Variants in TENM3 observed in about 807,000 individuals in gnomAD.
TENM3 encodes the protein teneurin transmembrane protein 3, also known as teneurin-3.
In TENM3, 63 loss-of-function variants were observed where a neutral mutation model predicts 255.1. The observed-to-expected ratio is 0.25, with a 90% CI of 0.20 to 0.30. TENM3 has a LOEUF of 0.30. Among genes scored for constraint, TENM3 ranks in the 10% least tolerant of loss-of-function variants. TENM3 has a pLI of 1.00. For missense variants in TENM3, 2,929 were observed against 3,461.1 expected, an observed-to-expected ratio of 0.85 and a Z score of 3.86; for synonymous variants, 1,306 against 1,322.3, an observed-to-expected ratio of 0.99 and a Z score of 0.27.
At position 182,574,762 on chromosome 4, in the gene TENM3, G is replaced by A. The variant is rs78979715; in HGVS notation, c.512-26162G>A. ...CCCTGCAAGATTTGGTAGTAAGAAC[G>A]TAAGCTTCTCAATGAGCTATTTCAA... On this transcript the variant is annotated intron_variant, in intron 3 of 27. Coordinates refer to ENST00000511685, the MANE Select transcript of TENM3 (RefSeq NM_001080477.4). Among the ~76,000 whole-genome samples, 884 of 152,082 alleles carry A rather than the reference G, an allele frequency of 5.8e-3. 27 individuals carry two copies. The East Asian group carries it at 0.06, about 10-fold the overall frequency.
the TENM3 span, among the ~76,000 whole-genome samples, chr4:181,459,911 A>G: frequency 6.6e-6 from 1 of 151,948 alleles, no homozygotes. Flanking sequence ...AAATTGACAC[A>G]TCAACGATAT....
chr4:181,463,355 C>T, the TENM3 span, among the ~76,000 whole-genome samples: 1 of 152,134 alleles, frequency 6.6e-6, no homozygotes, highest in South Asian at 2.1e-4. Context: ...CTGTTGTATA[C>T]ATTCTCTCTA....
At chr4:181,465,630 A>G in the TENM3 span, among the ~76,000 whole-genome samples, 252 of 152,318 alleles carry the variant, frequency 1.7e-3, 1 homozygote, top group African/African-American at 5.9e-3. Flanking sequence ...TTTATGCTTT[A>G]AAAAGTTAGA....
intron 1 of TENM3, among the ~76,000 whole-genome samples, chr4:182,253,605 A>C (rs1205485495): frequency 1.3e-5 from 2 of 152,200 alleles, no homozygotes; most frequent in Non-Finnish European, 2.9e-5. Flanking sequence ...GTTTTCTTTG[A>C]TAAAAAAAAT....
rs367736531 is a variant in TENM3, at chr4:182,793,867, G to A, written c.7195G>A (p.Val2399Met). ...CAACCCTGCAAGCAAAATCCATGACGTGAAAGATTACATCACAGGTAAGCA... is the reference window on the plus strand; with the variant it reads ...CAACCCTGCAAGCAAAATCCATGACATGAAAGATTACATCACAGGTAAGCA... ...NNNPASKIHD[V>M]KDYITDVNSW... The change falls in exon 26 of 28, where the codon GTG (valine) becomes ATG (methionine). Residue 2399 changes from valine to methionine, a missense_variant. This residue lies in a region of TENM3 where 476 missense variants were observed against 480.1 expected (regional missense o/e 0.99). Coordinates refer to ENST00000511685, the MANE Select transcript of TENM3 (RefSeq NM_001080477.4). This position sits in a 1 kb window ranked among gnomAD's most constrained non-coding sequence, Gnocchi z 5.7. 19 of 1,608,308 alleles carry A rather than the reference G, an allele frequency of 1.2e-5. No homozygotes were observed. The highest frequency in any genetic ancestry group is 4.4e-5 in the South Asian group (4 of 90,384).
chr4:182,517,129 A>C (rs1738050555), intron 3 of TENM3, among the ~76,000 whole-genome samples: 1 of 152,192 alleles, frequency 6.6e-6, no homozygotes, highest in Non-Finnish European at 1.5e-5. Context: ...CTGCATTTTG[A>C]AAGAACTTCT....
intron 13 of TENM3, among the ~76,000 whole-genome samples, chr4:182,715,641 A>C (rs958320934): frequency 6.6e-6 from 1 of 152,164 alleles, no homozygotes; most frequent in African/African-American, 2.4e-5. Context: ...TTGTCAGAGA[A>C]GATTGAATAG....
intron 1 of TENM3, among the ~76,000 whole-genome samples, chr4:182,175,302 T>TAAAAA (rs200201122): frequency 8.3e-6 from 1 of 120,572 alleles, no homozygotes; most frequent in African/African-American, 3.1e-5. Flanking sequence ...TCTGCTTCAT[T>TAAAAA]AAAAAAAAAA....
chr4:182,187,157 T>C (rs1423002910), intron 1 of TENM3, among the ~76,000 whole-genome samples: 1 of 152,060 alleles, frequency 6.6e-6, no homozygotes, highest in Non-Finnish European at 1.5e-5. Context: ...AAAACCTCAT[T>C]AATTCTGGGT....
At chr4:182,347,609 A>G (rs1242286969) in intron 3 of TENM3, among the ~76,000 whole-genome samples, 2 of 128,738 alleles carry the variant, frequency 1.6e-5, no homozygotes, top group African/African-American at 5.9e-5. Context: ...ATTGTAAGAA[A>G]AAAAGTCTTT....
At chr4:182,186,002 C>T (rs969072018) in intron 1 of TENM3, among the ~76,000 whole-genome samples, 1 of 152,054 alleles carries the variant, frequency 6.6e-6, no homozygotes, top group South Asian at 2.1e-4. Context: ...TGGATTCTAG[C>T]CTGAACGATA....
the TENM3 span, among the ~76,000 whole-genome samples, chr4:181,637,284 C>G: frequency 1.3e-5 from 2 of 152,184 alleles, no homozygotes; most frequent in African/African-American, 4.8e-5. Context: ...TGTGAGTGTT[C>G]CTGATTCACG....
chr4:182,382,194 T>C (rs1045010240), intron 3 of TENM3, among the ~76,000 whole-genome samples: 1 of 152,342 alleles, frequency 6.6e-6, no homozygotes, highest in South Asian at 2.1e-4. Flanking sequence ...TAATGAAATC[T>C]GAATTGGCTC....
the TENM3 span, among the ~76,000 whole-genome samples, chr4:181,731,925 A>G: frequency 2.0e-5 from 3 of 152,310 alleles, no homozygotes; most frequent in African/African-American, 7.2e-5. Flanking sequence ...AGTGAGTTCT[A>G]TAACTGAAGG....
At chr4:181,809,278 A>G in the TENM3 span, among the ~76,000 whole-genome samples, 1 of 152,242 alleles carries the variant, frequency 6.6e-6, no homozygotes, top group Non-Finnish European at 1.5e-5. Flanking sequence ...AAAAAGGACC[A>G]CTGCACAGCA....
At chr4:181,588,168 CT>C in the TENM3 span, among the ~76,000 whole-genome samples, 212 of 152,314 alleles carry the variant, frequency 1.4e-3, 3 homozygotes, top group Non-Finnish European at 2.8e-4. Flanking sequence ...GGAGCGGCCT[CT>C]GCTCGCAGTC....
chr4:182,184,709 A>G (rs908864624), intron 1 of TENM3, among the ~76,000 whole-genome samples: 5 of 152,184 alleles, frequency 3.3e-5, no homozygotes, highest in Non-Finnish European at 5.9e-5. Context: ...CCTCACAGAG[A>G]AGAAATGAGA....
the TENM3 span, among the ~76,000 whole-genome samples, chr4:181,815,036 A>G: frequency 0.03 from 4,611 of 152,306 alleles, 116 homozygotes; most frequent in South Asian, 0.058. Flanking sequence ...ATTTAGGAAA[A>G]GAGAAAAAGG....
In TENM3 at chr4:182,773,489, G is replaced by T. The variant is rs200629848; in HGVS notation, c.4910G>T (p.Arg1637Leu). The change falls in exon 23 of 28, where the codon CGT becomes CTT. Residue 1637 changes from arginine to leucine, a missense_variant. Around this residue, in one of 6 missense-constraint regions of TENM3, gnomAD observed 1,608 missense variants for 1,884.4 expected, o/e 0.85. Coordinates refer to ENST00000511685, the MANE Select transcript of TENM3 (RefSeq NM_001080477.4). The stretch of plus-strand genomic sequence containing the variant: ...GTATTTAGCTATGACAGTGAAGGTC[G>T]TCTGACAAATGTTACGTTTCCAACT... ...TTFFDYDSEG[R>L]LTNVTFPTGV... 1.2e-6 allele frequency: 2 copies of T among 1,612,060 alleles called. No homozygotes were observed. The highest frequency in any genetic ancestry group is 1.7e-6 in the Non-Finnish European group (2 of 1,179,006).
Sources: gnomAD v4.1 joint callset for allele counts (sites outside exome capture counted in the v4.1 genomes callset) on GRCh38, gnomAD v4.1.1 for gene constraint, gnomAD v4.1.1 regional missense constraint, Gnocchi (gnomAD v3.1) non-coding constraint, MANE v1.5 for transcripts, NCBI Gene and HGNC (gene_info 2026-07-23, HGNC 2026-07-21) for gene names.